The following ESR1 variants were observed in gnomAD, a reference collection of about 807,000 sequenced individuals.
ESR1 encodes estrogen receptor 1.
A neutral mutation model predicts 52.7 loss-of-function variants in ESR1; 12 were observed. The ratio of observed to expected loss-of-function variants is 0.23; its 90% CI spans 0.15 to 0.37. The LOEUF (loss-of-function observed/expected upper bound fraction) is 0.37. ESR1 is among the 10% of genes least tolerant of loss of function. The probability of loss-of-function intolerance (pLI) is 1.00; values close to 1 mark genes in which losing one functional copy is unlikely to be tolerated. For missense variants in ESR1, 584 were observed against 779.7 expected (o/e 0.75, Z 2.99); for synonymous variants, 305 against 316.8 (o/e 0.96, Z 0.39).
chr6:151,946,991 G>T (rs1281367656), intron 4 of ESR1, among the ~76,000 whole-genome samples: 1 of 152,192 alleles, frequency 6.6e-6, no homozygotes, highest in Non-Finnish European at 1.5e-5. Flanking sequence ...TGAGATAATA[G>T]TTTGAGAATG....
At position 152,093,110 on chromosome 6, in the gene ESR1, C is replaced by G. The variant is rs538914232; in HGVS notation, c.1370-1275C>G. Among the ~76,000 whole-genome samples, 386 of 152,078 alleles carry G rather than the reference C, an allele frequency of 2.5e-3. 1 individual carries two copies. Among genetic ancestry groups the G allele is most frequent in the Non-Finnish European group, 4.4e-3 (302 of 67,986 alleles). Reference sequence around the variant, plus strand: ...TGCCCAAGATGGCGAAACCCCATCTCTACTAAAAACACAAAAATTAGCCGG... The same window carrying G: ...TGCCCAAGATGGCGAAACCCCATCTGTACTAAAAACACAAAAATTAGCCGG... On this transcript the variant is annotated intron_variant, in intron 6 of 7. Transcript: ENST00000206249.
chr6:151,672,922 G>T (rs904234384), intron 1 of ESR1, among the ~76,000 whole-genome samples: 1 of 148,290 alleles, frequency 6.7e-6, no homozygotes, highest in Non-Finnish European at 1.5e-5. Context: ...TCTGCCTCCC[G>T]GGTTCACGCC....
chr6:151,927,705 G>T (rs2032969158), intron 3 of ESR1, among the ~76,000 whole-genome samples: 1 of 151,464 alleles, frequency 6.6e-6, no homozygotes, highest in South Asian at 2.1e-4. Flanking sequence ...TATGATATTG[G>T]TAATTTATGT....
intron 3 of ESR1, among the ~76,000 whole-genome samples, chr6:151,910,347 A>G (rs561019845): frequency 3.9e-5 from 6 of 152,318 alleles, no homozygotes; most frequent in African/African-American, 1.4e-4. Context: ...AGCAAATCCT[A>G]TATTGGAACA....
chr6:151,706,348 G>A (rs1473242301), intron 2 of ESR1, among the ~76,000 whole-genome samples: 3 of 152,202 alleles, frequency 2.0e-5, no homozygotes, highest in Non-Finnish European at 4.4e-5. Context: ...TTTGGCAACA[G>A]GAGAGATTGA....
intron 4 of ESR1, among the ~76,000 whole-genome samples, chr6:151,966,988 A>G (rs1193148191): frequency 1.3e-5 from 2 of 152,178 alleles, no homozygotes; most frequent in Non-Finnish European, 2.9e-5. Context: ...TCATTGCTCA[A>G]ACCTCTATTG....
At position 151,796,261 on chromosome 6, in the gene ESR1, C is replaced by CA. The variant is rs201129317; in HGVS notation, c.-70-11573dup. Reference sequence around the variant, plus strand: ...ATCCAAGATATGTTGCTAATAAAAACAAAAAAAAACACATGGCACAAATAA... The same window carrying CA: ...ATCCAAGATATGTTGCTAATAAAAACAAAAAAAAAACACATGGCACAAATAA... On this transcript the variant is annotated intron_variant, in intron 2 of 2. Coordinates refer to the ESR1 transcript ENST00000404742. Among the ~76,000 whole-genome samples the CA allele has an allele frequency of 5.5e-3, 814 of 148,312 alleles. 6 individuals carry two copies. The highest frequency in any genetic ancestry group is 0.029 in the East Asian group (148 of 5,082).
chr6:151,916,332 AT>A (rs2030175364), intron 3 of ESR1, among the ~76,000 whole-genome samples: 1 of 152,198 alleles, frequency 6.6e-6, no homozygotes, highest in Admixed American at 6.5e-5. Context: ...TTCTGAAGAC[AT>A]TGGTTCAATT....
At chr6:151,849,914 C>G (rs375396933) in intron 2 of ESR1, among the ~76,000 whole-genome samples, 1 of 145,918 alleles carries the variant, frequency 6.9e-6, no homozygotes, top group Admixed American at 7.0e-5. Context: ...CTCTAGGGTC[C>G]TGTCTTCAAT....
chr6:152,002,490 G>A (rs1265253954), intron 4 of ESR1, among the ~76,000 whole-genome samples: 1 of 152,006 alleles, frequency 6.6e-6, no homozygotes, highest in Non-Finnish European at 1.5e-5. Context: ...AAGAATGTAT[G>A]TTCCAAGGTA....
chr6:152,019,976 C>A (rs2043491431), intron 5 of ESR1, among the ~76,000 whole-genome samples: 1 of 152,148 alleles, frequency 6.6e-6, no homozygotes, highest in Admixed American at 6.6e-5. Flanking sequence ...AAGAGGCACT[C>A]CTGCCCTCAA....
Position 151,763,989 on chromosome 6 carries a change from G to A in ESR1, c.-70-43854G>A, listed in dbSNP as rs552364029. On this transcript the variant is annotated intron_variant, in intron 2 of 2. Transcript: ENST00000404742. ...GGGAAGGGGAAGGGCGGCCCTGTGG[G>A]TAAAGGGAAGGAGGTTAAAGTCAGC... 3.9e-5 allele frequency among the ~76,000 whole-genome samples: 6 copies of A among 152,148 alleles called. No homozygotes were observed. The South Asian group carries it at 1.0e-3, about 26-fold the overall frequency.
rs1985674 is a variant in ESR1, at chr6:151,759,456, G to A, written c.-70-48387G>A. Among the ~76,000 whole-genome samples the A allele has an allele frequency of 3.9e-5, 6 of 152,036 alleles. No homozygotes were observed. The South Asian group carries it at 1.2e-3, about 32-fold the overall frequency. Reference sequence around the variant, plus strand: ...GGTGCAGCGCACCAGCATGGCACATGTATACATATGTAACTAACCTGCACA... The same window carrying A: ...GGTGCAGCGCACCAGCATGGCACATATATACATATGTAACTAACCTGCACA... On this transcript the variant is annotated intron_variant, in intron 2 of 2. Coordinates refer to the ESR1 transcript ENST00000404742.
intron 3 of ESR1, among the ~76,000 whole-genome samples, chr6:151,898,545 G>A (rs1314145077): frequency 1.3e-5 from 2 of 151,924 alleles, no homozygotes; most frequent in Non-Finnish European, 2.9e-5. Flanking sequence ...AGGACCCTGC[G>A]GCCTTCTGCA....
chr6:151,948,863 C>G (rs989679712), intron 4 of ESR1, among the ~76,000 whole-genome samples: 13 of 152,170 alleles, frequency 8.5e-5, no homozygotes, highest in Admixed American at 2.0e-4. Flanking sequence ...CCCCAGGAAT[C>G]CAGGAATTCA....
chr6:152,119,200 C>T (rs900770901), intron 6 of ESR1, among the ~76,000 whole-genome samples: 2 of 152,146 alleles, frequency 1.3e-5, no homozygotes, highest in South Asian at 4.1e-4. Context: ...ATATTTGGCC[C>T]TGGGGTGTAG....
intron 4 of ESR1, chr6:151,984,109 T>C (rs576153224): frequency 1.2e-4 from 18 of 152,252 alleles, no homozygotes; most frequent in African/African-American, 4.3e-4. Flanking sequence ...AAGACTATTC[T>C]CCACAAGATA....
intron 1 of ESR1, among the ~76,000 whole-genome samples, chr6:151,670,639 A>G (rs1276716381): frequency 6.6e-6 from 1 of 152,192 alleles, no homozygotes; most frequent in African/African-American, 2.4e-5. Flanking sequence ...ACTGGAGTGC[A>G]GTGGCACGAT....
intron 1 of ESR1, among the ~76,000 whole-genome samples, chr6:151,683,676 A>G (rs1778539950): frequency 6.6e-6 from 1 of 151,894 alleles, no homozygotes; most frequent in Non-Finnish European, 1.5e-5. Context: ...AATTCTGATT[A>G]GTTATCAGGT....
Sources: gnomAD v4.1 joint callset for allele counts (sites outside exome capture counted in the v4.1 genomes callset) on GRCh38, gnomAD v4.1.1 for gene constraint, MANE v1.5 for transcripts, NCBI Gene and HGNC (gene_info 2026-07-23, HGNC 2026-07-21) for gene names.